Variants in ADGRD1 observed in about 807,000 individuals in gnomAD.
ADGRD1 encodes G-protein coupled receptor 133.
Under a neutral mutation model 113.4 loss-of-function variants are expected in ADGRD1, and 77 were observed. That is an observed-to-expected ratio of 0.68 (90% CI 0.57 to 0.82). ADGRD1 has a LOEUF of 0.82. Among genes scored for constraint, ADGRD1 ranks in the 40% least tolerant of loss-of-function variants. The pLI, the probability that ADGRD1 is intolerant of heterozygous loss-of-function variation, is 0.00. For synonymous variants in ADGRD1, 474 were observed against 475.0 expected, an observed-to-expected ratio of 1.00 and a Z score of 0.03; for missense variants, 1,036 against 1,139.1, an observed-to-expected ratio of 0.91 and a Z score of 1.30.
At chr12:131,007,294 C>T (rs1038841503) in intron 12 of ADGRD1, among the ~76,000 whole-genome samples, 1 of 152,240 alleles carries the variant, frequency 6.6e-6, no homozygotes, top group Non-Finnish European at 1.5e-5. Flanking sequence ...ACTCTGCCCT[C>T]ACAGGGTGAA....
chr12:131,136,561 C>T (rs1221543445), intron 22 of ADGRD1, among the ~76,000 whole-genome samples: 1 of 152,218 alleles, frequency 6.6e-6, no homozygotes, highest in Admixed American at 6.5e-5. Flanking sequence ...GGTCAGGGCC[C>T]TCAGACCCAC....
chr12:131,139,306 C>T lies in ADGRD1; in HGVS notation c.*43C>T, dbSNP rs763991451. 1 of 1,211,262 alleles carries T rather than the reference C, an allele frequency of 8.3e-7. No homozygotes were observed. Among genetic ancestry groups the T allele is most frequent in the Non-Finnish European group, 1.2e-6 (1 of 867,772 alleles). The allele number at this position is 1,211,262 out of a possible 1,614,324, so 75.0% of individuals were successfully genotyped here. On this transcript the variant is annotated 3_prime_UTR_variant, in exon 25 of 25. Transcript: ENST00000261654. ...CAGGCCAGGCTGCGCTCAGAACACACCCCCCCAAACAGAATGAAATGCCCC... is the reference window on the plus strand; with the variant it reads ...CAGGCCAGGCTGCGCTCAGAACACATCCCCCCAAACAGAATGAAATGCCCC...
intron 15 of ADGRD1, among the ~76,000 whole-genome samples, chr12:131,087,312 C>G (rs1363681568): frequency 6.6e-6 from 1 of 152,212 alleles, no homozygotes; most frequent in East Asian, 1.9e-4. Context: ...ACCCTCGGGT[C>G]CCTCGTGCAC....
chr12:130,993,372 TTTCA>T (rs55716628), intron 8 of ADGRD1, among the ~76,000 whole-genome samples: 3,489 of 141,090 alleles, frequency 0.025, 44 homozygotes, highest in South Asian at 0.055. Flanking sequence ...ACTTCTCAGA[TTTCA>T]TTCATTCATT....
intron 13 of ADGRD1, among the ~76,000 whole-genome samples, chr12:131,021,793 G>C (rs917944437): frequency 4.6e-5 from 7 of 152,104 alleles, no homozygotes; most frequent in African/African-American, 1.7e-4. Context: ...CTGCAGCCCT[G>C]ATCGCCGGGC....
chr12:131,133,584 G>A (rs146077005), intron 21 of ADGRD1, among the ~76,000 whole-genome samples: 60 of 152,310 alleles, frequency 3.9e-4, no homozygotes, highest in African/African-American at 1.3e-3. Context: ...CCAGGGATGC[G>A]TCCCTTCCGG....
chr12:130,992,472 GA>G, intron 8 of ADGRD1, 80 bp downstream of exon 8: 1 of 1,259,506 alleles, frequency 7.9e-7, no homozygotes. Flanking sequence ...GTTTGACCTA[GA>G]TCGAGTTTAA....
At chr12:131,053,941 AC>A (rs1418342257) in intron 13 of ADGRD1, among the ~76,000 whole-genome samples, 4 of 152,156 alleles carry the variant, frequency 2.6e-5, no homozygotes, top group African/African-American at 9.7e-5. Flanking sequence ...TTCCCTGATT[AC>A]CTGTGAGTGT....
intron 15 of ADGRD1, among the ~76,000 whole-genome samples, chr12:131,098,830 G>A (rs1218653179): frequency 3.3e-5 from 5 of 152,192 alleles, no homozygotes; most frequent in Admixed American, 1.3e-4. Context: ...TGAGACTTCC[G>A]TGCATGGTGC....
At position 131,011,855 on chromosome 12, in the gene ADGRD1, T is replaced by C. The variant is rs149954381; in HGVS notation, c.1332-2344T>C. Among the ~76,000 whole-genome samples, 400 of 152,326 alleles carry C rather than the reference T, an allele frequency of 2.6e-3. 1 individual carries two copies. Among genetic ancestry groups the C allele is most frequent in the African/African-American group, 9.0e-3 (376 of 41,574 alleles). On this transcript the variant is annotated intron_variant, in intron 12 of 24. Coordinates refer to ENST00000261654, the MANE Select transcript of ADGRD1 (RefSeq NM_198827.5). Reference sequence around the variant, plus strand: ...GCACAGAGAGTGAGAACCAGGCTCCTGGCTGAAGCGAACACACCACACGTC... The same window carrying C: ...GCACAGAGAGTGAGAACCAGGCTCCCGGCTGAAGCGAACACACCACACGTC...
chr12:131,117,339 A>G (rs1950490733), intron 18 of ADGRD1, among the ~76,000 whole-genome samples: 1 of 152,224 alleles, frequency 6.6e-6, no homozygotes, highest in African/African-American at 2.4e-5. Flanking sequence ...CAAAAAGGGA[A>G]TGTGATGGCT....
chr12:131,058,997 A>G (rs1239756430), intron 13 of ADGRD1, among the ~76,000 whole-genome samples: 2 of 152,114 alleles, frequency 1.3e-5, no homozygotes, highest in Non-Finnish European at 2.9e-5. Flanking sequence ...CACGGATATT[A>G]TATCTTTCGT....
At chr12:131,071,810 G>A (rs1031369207) in intron 13 of ADGRD1, among the ~76,000 whole-genome samples, 12 of 151,836 alleles carry the variant, frequency 7.9e-5, no homozygotes, top group African/African-American at 2.4e-4. Flanking sequence ...CGCCTCGCCC[G>A]GCTTCTGGTG....
chr12:131,034,987 G>A (rs1881216952), intron 13 of ADGRD1: 1 of 152,280 alleles, frequency 6.6e-6, no homozygotes. Context: ...AGCAAATCTG[G>A]TCACTCCCTC....
intron 13 of ADGRD1, among the ~76,000 whole-genome samples, chr12:131,020,025 G>A (rs1447817969): frequency 8.0e-6 from 1 of 125,492 alleles, no homozygotes; most frequent in Admixed American, 7.9e-5. Context: ...TCCATCCAGG[G>A]CAGGGGGTGC....
At chr12:131,046,645 G>GTC (rs1882835454) in intron 13 of ADGRD1, among the ~76,000 whole-genome samples, 1 of 131,492 alleles carries the variant, frequency 7.6e-6, no homozygotes, top group African/African-American at 3.1e-5. Context: ...CCTGGTCAGT[G>GTC]CTCCCTCCCT....
At chr12:131,088,851 T>C (rs1298148486) in intron 15 of ADGRD1, among the ~76,000 whole-genome samples, 1 of 152,178 alleles carries the variant, frequency 6.6e-6, no homozygotes, top group Non-Finnish European at 1.5e-5. Context: ...GTTAGAGGTG[T>C]CGTCAGTTAT....
intron 12 of ADGRD1, among the ~76,000 whole-genome samples, chr12:131,007,264 A>G (rs896361020): frequency 6.6e-6 from 1 of 152,238 alleles, no homozygotes; most frequent in Non-Finnish European, 1.5e-5. Context: ...CCAGCTTGTA[A>G]ATCGGCTTGG....
intron 15 of ADGRD1, among the ~76,000 whole-genome samples, chr12:131,087,935 C>T (rs1260032636): frequency 6.6e-6 from 1 of 152,208 alleles, no homozygotes; most frequent in South Asian, 2.1e-4. Context: ...TGCCATGGAC[C>T]AGGCCTCAGT....
Sources: gnomAD v4.1 joint callset for allele counts (sites outside exome capture counted in the v4.1 genomes callset) on GRCh38, gnomAD v4.1.1 for gene constraint, MANE v1.5 for transcripts, NCBI Gene and HGNC (gene_info 2026-07-23, HGNC 2026-07-21) for gene names.